Variants in MACROD2 observed in about 807,000 individuals in gnomAD.
The protein encoded by MACROD2 is ADP-ribose glycohydrolase MACROD2.
In MACROD2, 36 loss-of-function variants were observed where a neutral mutation model predicts 70.4. The observed-to-expected ratio is 0.51, with a 90% CI of 0.39 to 0.68. The LOEUF is 0.68. MACROD2 is among the 30% of genes least tolerant of loss of function. The pLI is 0.00. For synonymous variants in MACROD2, 172 were observed against 178.8 expected (o/e 0.96, Z 0.30); for missense variants, 496 against 538.4 (o/e 0.92, Z 0.78).
At position 15,986,775 on chromosome 20, in the gene MACROD2, C is replaced by T. The variant is rs1328446676; in HGVS notation, c.1034C>T (p.Ser345Leu). The T allele has an allele frequency of 6.8e-6, 11 of 1,612,884 alleles. No individual in the cohort carries two copies. In the East Asian group the frequency reaches 1.3e-4, roughly 20 times the overall value. The change falls in exon 14 of 18, where the codon TCG (serine) becomes TTG (leucine). Residue 345 changes from serine to leucine, a missense_variant. Ser to Leu is a moderately radical substitution (Grantham distance 145). Coordinates refer to ENST00000684519, the MANE Select transcript of MACROD2 (RefSeq NM_001351661.2). Reference protein sequence around the residue: ...TKNEIKIETESQSSYMETEEL... With the variant: ...TKNEIKIETELQSSYMETEEL... ...AATGAAATAAAAATTGAAACAGAATCGCAGAGCTCATATATGGAAACAGAA... is the reference window on the plus strand; with the variant it reads ...AATGAAATAAAAATTGAAACAGAATTGCAGAGCTCATATATGGAAACAGAA...
intron 8 of MACROD2, among the ~76,000 whole-genome samples, chr20:15,551,732 A>G (rs1216935293): frequency 6.6e-6 from 1 of 151,986 alleles, no homozygotes; most frequent in Non-Finnish European, 1.5e-5. Flanking sequence ...GCCGGATGTG[A>G]TGGTGTGGGC....
chr20:14,146,236 G>A (rs189756566), intron 3 of MACROD2, among the ~76,000 whole-genome samples: 5 of 152,062 alleles, frequency 3.3e-5, no homozygotes, highest in Non-Finnish European at 7.4e-5. Flanking sequence ...GGAGAATGGC[G>A]TGAACCTGGG....
intron 5 of MACROD2, among the ~76,000 whole-genome samples, chr20:15,141,714 TG>T (rs1482123492): frequency 9.8e-5 from 15 of 152,318 alleles, no homozygotes; most frequent in African/African-American, 1.2e-4. Flanking sequence ...TTGCCACTTT[TG>T]TTTCAATGCT....
At chr20:14,903,151 C>T (rs2073918178) in intron 5 of MACROD2, among the ~76,000 whole-genome samples, 1 of 150,750 alleles carries the variant, frequency 6.6e-6, no homozygotes, top group Non-Finnish European at 1.5e-5. Context: ...AAGCGATTCG[C>T]CTGCCTCAGC....
At chr20:15,179,402 C>T (rs115514309) in intron 5 of MACROD2, among the ~76,000 whole-genome samples, 1 of 152,120 alleles carries the variant, frequency 6.6e-6, no homozygotes, top group Non-Finnish European at 1.5e-5. Context: ...CAAAGCCCCC[C>T]ACTCCTCCCA....
At chr20:15,692,464 G>A (rs996958500) in intron 8 of MACROD2, among the ~76,000 whole-genome samples, 4 of 152,074 alleles carry the variant, frequency 2.6e-5, no homozygotes, top group African/African-American at 9.7e-5. Context: ...GTCAAGCAGG[G>A]TGACAGCAGA....
intron 5 of MACROD2, among the ~76,000 whole-genome samples, chr20:14,912,589 T>C (rs1271016012): frequency 6.6e-6 from 1 of 152,122 alleles, no homozygotes; most frequent in Admixed American, 6.6e-5. Flanking sequence ...GAAGAATGAC[T>C]TCAGACAGTA....
chr20:14,170,159 C>T (rs1426343617), intron 3 of MACROD2, among the ~76,000 whole-genome samples: 2 of 151,962 alleles, frequency 1.3e-5, no homozygotes, highest in Admixed American at 6.6e-5. Flanking sequence ...CCCAAAGTGC[C>T]GGGATTGCAG....
intron 9 of MACROD2, among the ~76,000 whole-genome samples, chr20:15,875,568 A>G (rs1329443237): frequency 6.6e-6 from 1 of 151,958 alleles, no homozygotes; most frequent in Non-Finnish European, 1.5e-5. Flanking sequence ...TTTTGCCTTC[A>G]ATGAAAATCC....
At chr20:13,996,631 C>T (rs952314437) in intron 1 of MACROD2, among the ~76,000 whole-genome samples, 1 of 152,164 alleles carries the variant, frequency 6.6e-6, no homozygotes, top group Non-Finnish European at 1.5e-5. Context: ...TTAAGAAACA[C>T]AAGTGTACGA....
At chr20:14,402,327 C>T (rs932698642) in intron 3 of MACROD2, among the ~76,000 whole-genome samples, 1 of 152,024 alleles carries the variant, frequency 6.6e-6, no homozygotes, top group African/African-American at 2.4e-5. Flanking sequence ...ATAAAATGTA[C>T]CCAAGAGAAT....
At chr20:14,463,144 C>A (rs575135360) in intron 3 of MACROD2, among the ~76,000 whole-genome samples, 6 of 151,410 alleles carry the variant, frequency 4.0e-5, no homozygotes, top group East Asian at 3.9e-4. Flanking sequence ...CATTTTCACG[C>A]TATTGATTCT....
chr20:15,015,475 GTT>G (rs35022559), intron 5 of MACROD2, among the ~76,000 whole-genome samples: 1 of 138,588 alleles, frequency 7.2e-6, no homozygotes. Flanking sequence ...AACTATGTGT[GTT>G]TTTTTTTTTT....
intron 5 of MACROD2, among the ~76,000 whole-genome samples, chr20:15,005,131 A>G (rs760584917): frequency 5.9e-5 from 9 of 152,244 alleles, no homozygotes; most frequent in Non-Finnish European, 1.2e-4. Flanking sequence ...TTGCTAAATA[A>G]TATCGCCACC....
intron 3 of MACROD2, among the ~76,000 whole-genome samples, chr20:14,144,215 C>A (rs1019862795): frequency 6.6e-6 from 1 of 151,970 alleles, no homozygotes; most frequent in African/African-American, 2.4e-5. Flanking sequence ...TAAAGAAAAG[C>A]AAAAACTTTG....
chr20:15,906,804 T>G (rs993212569), intron 10 of MACROD2, among the ~76,000 whole-genome samples: 4 of 152,232 alleles, frequency 2.6e-5, no homozygotes, highest in Admixed American at 1.3e-4. Context: ...GATGCATCTT[T>G]GAAGAACTAT....
chr20:15,109,946 G>A (rs949812346), intron 5 of MACROD2, among the ~76,000 whole-genome samples: 3 of 152,054 alleles, frequency 2.0e-5, no homozygotes, highest in African/African-American at 7.2e-5. Context: ...GGCAAGTGCC[G>A]TTTGTGATAA....
chr20:14,016,190 C>CATCT (rs1301493721), intron 2 of MACROD2, among the ~76,000 whole-genome samples: 25 of 152,162 alleles, frequency 1.6e-4, no homozygotes, highest in African/African-American at 6.0e-4. Context: ...TTTTGATGAG[C>CATCT]ATCTTTATAG....
At chr20:14,067,046 C>T (rs543918878) in intron 2 of MACROD2, among the ~76,000 whole-genome samples, 3 of 150,342 alleles carry the variant, frequency 2.0e-5, no homozygotes, top group South Asian at 2.1e-4. Flanking sequence ...CTCCTGACCT[C>T]GTGATCCGCC....
Sources: gnomAD v4.1 joint callset for allele counts (sites outside exome capture counted in the v4.1 genomes callset) on GRCh38, gnomAD v4.1.1 for gene constraint, MANE v1.5 for transcripts, NCBI Gene and HGNC (gene_info 2026-07-23, HGNC 2026-07-21) for gene names.